NUP210: variants seen among roughly 807,000 people sequenced by gnomAD.
NUP210 encodes the protein nuclear pore membrane glycoprotein 210.
In NUP210, 151 loss-of-function variants were observed where a neutral mutation model predicts 196.0. That is an observed-to-expected ratio of 0.77 (90% CI 0.67 to 0.88). NUP210 has a LOEUF of 0.88. NUP210 is among the 40% of genes least tolerant of loss of function. NUP210 has a pLI of 0.00. For synonymous variants in NUP210, 1,070 were observed against 1,052.7 expected (o/e 1.02, Z -0.32); for missense variants, 2,314 against 2,493.7 (o/e 0.93, Z 1.53).
At position 13,366,425 on chromosome 3, in the gene NUP210, C is replaced by A. The variant is rs1468994702; in HGVS notation, c.1787-334G>T. Among the ~76,000 whole-genome samples, 3 of 152,160 alleles carry A rather than the reference C, an allele frequency of 2.0e-5. No homozygotes were observed. In the East Asian group the frequency reaches 5.8e-4, roughly 29 times the overall value. ...GGGATCACAGGTGTGAGCCACTGTG[C>A]CCAGCCCTGAAATCACCTTTGGTGG... On this transcript the variant is annotated intron_variant, in intron 13 of 39. Transcript: ENST00000254508.
chr3:13,345,252 G>A, intron 20 of NUP210: 1 of 984,808 alleles, frequency 1.0e-6, no homozygotes, highest in Non-Finnish European at 1.2e-6. Context: ...AACCCTCATG[G>A]ACCTTCACTT....
chr3:13,352,432 A>C (rs1559323921), intron 18 of NUP210, among the ~76,000 whole-genome samples: 1 of 152,120 alleles, frequency 6.6e-6, no homozygotes, highest in Non-Finnish European at 1.5e-5. Flanking sequence ...AGAAGACGCC[A>C]CCCCAACCCA....
At chr3:13,361,480 G>A (rs1354148700) in intron 14 of NUP210, among the ~76,000 whole-genome samples, 2 of 152,140 alleles carry the variant, frequency 1.3e-5, no homozygotes, top group African/African-American at 4.8e-5. Context: ...CCAACCTCCA[G>A]GAAGACGTGG....
chr3:13,334,423 G>A (rs58051895), intron 28 of NUP210, among the ~76,000 whole-genome samples: 9,947 of 152,046 alleles, frequency 0.065, 611 homozygotes, highest in East Asian at 0.32. Flanking sequence ...CATGTGTGTC[G>A]TGTGTGTGTG....
intron 11 of NUP210, among the ~76,000 whole-genome samples, chr3:13,374,439 C>T (rs1337101513): frequency 6.6e-6 from 1 of 152,204 alleles, no homozygotes. Context: ...TCCTCACTGA[C>T]ACACAAGGTC....
chr3:13,418,419 C>T (rs893283188), intron 1 of NUP210, among the ~76,000 whole-genome samples: 8 of 152,024 alleles, frequency 5.3e-5, no homozygotes, highest in African/African-American at 1.9e-4. Context: ...ATAGTGAAAC[C>T]CCATCTTTAC....
At chr3:13,368,653 G>T (rs1341290903) in intron 13 of NUP210, among the ~76,000 whole-genome samples, 1 of 152,146 alleles carries the variant, frequency 6.6e-6, no homozygotes, top group African/African-American at 2.4e-5. Context: ...ATTACTCTAG[G>T]TATCTCATAC....
intron 1 of NUP210, among the ~76,000 whole-genome samples, chr3:13,419,846 G>C (rs1389942088): frequency 6.6e-6 from 1 of 151,914 alleles, no homozygotes; most frequent in Non-Finnish European, 1.5e-5. Flanking sequence ...CGCTCTGCTC[G>C]CGCCTCAGCG....
At chr3:13,405,814 C>T (rs1265405442) in intron 1 of NUP210, among the ~76,000 whole-genome samples, 1 of 152,184 alleles carries the variant, frequency 6.6e-6, no homozygotes, top group Admixed American at 6.5e-5. Flanking sequence ...CCAACTATCG[C>T]AGCTAGGCCT....
rs1333011527 is a variant in NUP210, at chr3:13,348,709, C to A, written c.2835+3170G>T. On this transcript the variant is annotated intron_variant, in intron 20 of 39. Transcript: ENST00000254508. The surrounding 1 kb of genome is among the most constrained non-coding windows in gnomAD (Gnocchi z 4.0). Reference sequence around the variant, plus strand: ...AGTGTCCTCCAACCACAAGCATGTCCCCAGCTGCTGAGGGCGTCCTGCCAT... The same window carrying A: ...AGTGTCCTCCAACCACAAGCATGTCACCAGCTGCTGAGGGCGTCCTGCCAT... 1.0e-6 allele frequency: 1 copy of A among 985,248 alleles called. No individual in the cohort carries two copies. The highest frequency in any genetic ancestry group is 1.2e-6 in the Non-Finnish European group (1 of 829,938). 61.0% of individuals were successfully genotyped at this position (985,248 alleles called of 1,614,324 possible). A position where few individuals can be genotyped will look rare whatever the true frequency, so the allele number is the denominator to read the frequency against.
chr3:13,343,470 G>A lies in NUP210; in HGVS notation c.2836-167C>T, dbSNP rs189432325. Reference sequence around the variant, plus strand: ...GCCAGCACTGGGAAGCAGTGGACAAGGGAAATCACCCCAAGTAGTGCCCTG... The same window carrying A: ...GCCAGCACTGGGAAGCAGTGGACAAAGGAAATCACCCCAAGTAGTGCCCTG... On this transcript the variant is annotated intron_variant, in intron 20 of 39. Coordinates refer to ENST00000254508, the MANE Select transcript of NUP210 (RefSeq NM_024923.4). 3.7e-4 allele frequency among the ~76,000 whole-genome samples: 56 copies of A among 152,324 alleles called. 2 individuals carry two copies. In the East Asian group the frequency reaches 0.01, roughly 28 times the overall value.
In NUP210 at chr3:13,348,836, C is replaced by T; in HGVS notation, c.2835+3043G>A. 1.0e-6 allele frequency: 1 copy of T among 985,370 alleles called. No individual in the cohort carries two copies. The highest frequency in any genetic ancestry group is 1.2e-6 in the Non-Finnish European group (1 of 829,922). The allele number at this position is 985,370 out of a possible 1,614,324, so 61.0% of individuals were successfully genotyped here. On this transcript the variant is annotated intron_variant, in intron 20 of 39. Transcript: ENST00000254508. The surrounding 1 kb of genome is among the most constrained non-coding windows in gnomAD (Gnocchi z 4.0). ...TCCTCTTTGCAAGACAGCTGGAGAC[C>T]AACATCAAACGCTGAAGGAAGGTTT... is the stretch of plus-strand genomic sequence containing the variant.
intron 26 of NUP210, among the ~76,000 whole-genome samples, 199 bp downstream of exon 26, chr3:13,337,638 G>T (rs1697269565): frequency 6.6e-6 from 1 of 152,216 alleles, no homozygotes; most frequent in Non-Finnish European, 1.5e-5. Context: ...AAGGTGACAG[G>T]CCAGCAGGAA....
At chr3:13,396,390 G>A (rs1054948260) in intron 3 of NUP210, among the ~76,000 whole-genome samples, 1 of 152,036 alleles carries the variant, frequency 6.6e-6, no homozygotes, top group Non-Finnish European at 1.5e-5. Flanking sequence ...TTTGGGGGCA[G>A]ATCATCTGAA....
chr3:13,366,136 T>G, intron 13 of NUP210, 45 bp from the exon 14 acceptor site: 1 of 1,589,958 alleles, frequency 6.3e-7, no homozygotes. Flanking sequence ...AATCACTTTT[T>G]TCTTTTTTTT....
Position 13,366,032 on chromosome 3 carries a change from C to T in NUP210, c.1846G>A (p.Gly616Ser). ...TAGCTCACAAGAAGCGTGGTAGAGC[C>T]CTGGGCCTCGGCCTTTACCCGGATG... ...SGIRVKAEAQ[G>S]STTLLVSYRH... is the part of the protein sequence containing the mutation. Residue 616 changes from glycine (G) to serine (S), a missense_variant, in exon 14 of 40, where the codon GGC becomes AGC. Gly to Ser is a moderately conservative substitution (Grantham distance 56). Transcript: ENST00000254508. 6.2e-7 allele frequency: 1 copy of T among 1,614,196 alleles called. No individual in the cohort carries two copies. The highest frequency in any genetic ancestry group is 8.5e-7 in the Non-Finnish European group (1 of 1,180,018).
chr3:13,396,397 T>A (rs73132580), intron 3 of NUP210, among the ~76,000 whole-genome samples: 5,168 of 152,206 alleles, frequency 0.034, 119 homozygotes, highest in Middle Eastern at 0.075. Context: ...GCAGATCATC[T>A]GAAAGGCATC....
intron 14 of NUP210, among the ~76,000 whole-genome samples, chr3:13,362,806 C>G (rs780228012): frequency 6.6e-6 from 1 of 152,122 alleles, no homozygotes; most frequent in Non-Finnish European, 1.5e-5. Flanking sequence ...GGGCCTTCAT[C>G]TCTGCTCCTC....
rs928469364 is a variant in NUP210, at chr3:13,358,256, A to G, written c.2294T>C (p.Met765Thr). The G allele has an allele frequency of 5.0e-6, 8 of 1,613,058 alleles. No homozygotes were observed. The African/African-American group carries it at 1.1e-4, about 22-fold the overall frequency. The change falls in exon 16 of 40, where the codon ATG becomes ACG. Residue 765 changes from methionine to threonine, a missense_variant. Transcript: ENST00000254508. Reference protein sequence around the residue: ...APVYTSPQLDMSCPLLQQNKQ... With the variant: ...APVYTSPQLDTSCPLLQQNKQ... Reference sequence around the variant, plus strand: ...GTTCTGCTGCAGCAGCGGACAGGACATGTCCAGCTGGGGGCTGGTGTAGAC... The same window carrying G: ...GTTCTGCTGCAGCAGCGGACAGGACGTGTCCAGCTGGGGGCTGGTGTAGAC...
Sources: allele counts gnomAD v4.1 joint callset (sites outside exome capture counted in the v4.1 genomes callset), GRCh38; gene constraint gnomAD v4.1.1; non-coding constraint Gnocchi (gnomAD v3.1); transcripts MANE v1.5; gene names NCBI Gene and HGNC (gene_info 2026-07-23, HGNC 2026-07-21).